ALG12: variants seen among roughly 807,000 people sequenced by gnomAD.
ALG12 encodes ALG12 alpha-1,6-mannosyltransferase, also known as dol-P-Man:Man(7)GlcNAc(2)-PP-Dol alpha-1,6-mannosyltransferase.
In ALG12, 36 loss-of-function variants were observed where a neutral mutation model predicts 46.0. The ratio of observed to expected loss-of-function variants is 0.78; its 90% CI spans 0.60 to 1.03. The LOEUF is 1.03. Ranked by LOEUF, ALG12 falls within the 50% of genes least tolerant of loss-of-function variation. ALG12 has a pLI of 0.00. For synonymous variants in ALG12, 326 were observed against 291.6 expected (o/e 1.12, Z -1.20); for missense variants, 599 against 633.5 (o/e 0.95, Z 0.58).
At chr22:49,890,334 AAAC>A in the ALG12 span, among the ~76,000 whole-genome samples, 18 of 152,182 alleles carry the variant, frequency 1.2e-4, no homozygotes, top group African/African-American at 4.3e-4. Context: ...GACAACAACA[AAAC>A]AACATTTTTA....
chr22:49,869,007 C>G, the ALG12 span, among the ~76,000 whole-genome samples: 17 of 150,938 alleles, frequency 1.1e-4, no homozygotes, highest in Admixed American at 7.3e-4. Flanking sequence ...GCCTGTAATC[C>G]GAGCTGCTTG....
Position 49,907,871 on chromosome 22 carries a change from AG to A in ALG12, c.841del (p.Leu281TrpfsTer4). On this transcript the variant is annotated frameshift_variant, in exon 7 of 10. Transcript: ENST00000330817. LOFTEE classifies it high-confidence loss of function. ...GTGCGTCCTTCTGTCTACCAAGCCC[AG>A]GGGGATGAAGAGCAGGCTGCAGCCC... is the stretch of plus-strand genomic sequence containing the variant. ...GLGCSLLFIP[L>X]GLVDRRTHAP... The A allele has an allele frequency of 6.2e-7, 1 of 1,613,906 alleles. No homozygotes were observed. Among genetic ancestry groups the A allele is most frequent in the Non-Finnish European group, 8.5e-7 (1 of 1,180,014 alleles).
At chr22:49,897,848 A>T (rs145546200), downstream of ALG12, among the ~76,000 whole-genome samples, 1 of 149,350 alleles carries the variant, frequency 6.7e-6, no homozygotes, top group Admixed American at 6.7e-5. Flanking sequence ...TTTAGTAGAG[A>T]TGTGGTTTCA....
At position 49,909,949 on chromosome 22, in the gene ALG12, C is replaced by G; in HGVS notation, c.609G>C (p.Lys203Asn). ...GGCGAAGGGCTCTGACTACAGAAAC[C>G]TTTCGGTTGCCCAAGGCCAGCAGCA... is the stretch of plus-strand genomic sequence containing the variant. ...LLLLLALGNR[K>N]VSVVRALRHA... The change falls in exon 5 of 10, where the codon AAG becomes AAC. Residue 203 changes from lysine to asparagine, a missense_variant. Coordinates refer to ENST00000330817, the MANE Select transcript of ALG12 (RefSeq NM_024105.4). The G allele has an allele frequency of 6.2e-7, 1 of 1,614,100 alleles. No individual in the cohort carries two copies. Among genetic ancestry groups the G allele is most frequent in the Non-Finnish European group, 8.5e-7 (1 of 1,179,996 alleles).
At chr22:49,885,141 C>A in the ALG12 span, 1 of 1,613,216 alleles carries the variant, frequency 6.2e-7, no homozygotes, top group Admixed American at 1.7e-5. Flanking sequence ...GTGATGTGGG[C>A]ACCAGCTGCC....
the ALG12 span, chr22:49,886,782 A>G: frequency 5.6e-6 from 9 of 1,612,654 alleles, no homozygotes; most frequent in African/African-American, 1.3e-5. The surrounding 1 kb of genome is among the most constrained non-coding windows in gnomAD (Gnocchi z 7.7). Context: ...ATTCTACCTC[A>G]GAGGACGTGG....
chr22:49,882,629 T>C, the ALG12 span, among the ~76,000 whole-genome samples: 1 of 152,206 alleles, frequency 6.6e-6, no homozygotes, highest in Non-Finnish European at 1.5e-5. Context: ...TGCCCTGCTC[T>C]CTCCTGTCTT....
At chr22:49,883,187 T>C in the ALG12 span, 1 of 152,628 alleles carries the variant, frequency 6.6e-6, no homozygotes, top group South Asian at 2.1e-4. Context: ...TGTAAACGGA[T>C]TGCAGGAAGT....
chr22:49,909,123 C>A (rs181416164), intron 6 of ALG12, 121 bp downstream of exon 6: 1 of 1,089,940 alleles, frequency 9.2e-7, no homozygotes, highest in Non-Finnish European at 1.4e-6. Flanking sequence ...GGGGCTCCAT[C>A]CTGACCCTGC....
intron 1 of ALG12, 110 bp from the exon 2 acceptor site, chr22:49,913,953 A>C: frequency 1.5e-6 from 1 of 684,706 alleles, no homozygotes; most frequent in East Asian, 2.7e-5. Flanking sequence ...TCTTAGTCGC[A>C]CTACTACAAA....
chr22:49,871,194 G>A, the ALG12 span, among the ~76,000 whole-genome samples: 2 of 152,112 alleles, frequency 1.3e-5, no homozygotes, highest in Admixed American at 6.5e-5. Context: ...ACAGGCGTGA[G>A]TCACTGTGCC....
At chr22:49,876,829 A>G in the ALG12 span, among the ~76,000 whole-genome samples, 1 of 152,206 alleles carries the variant, frequency 6.6e-6, no homozygotes, top group Non-Finnish European at 1.5e-5. Flanking sequence ...TTCCATTTAC[A>G]AAATATAGGA....
chr22:49,878,564 G>T, the ALG12 span, among the ~76,000 whole-genome samples: 1 of 152,136 alleles, frequency 6.6e-6, no homozygotes, highest in Non-Finnish European at 1.5e-5. Context: ...GCAAAAAAAT[G>T]AACTTCAATC....
rs76354698 is a variant in ALG12, at chr22:49,909,376, C to T, written c.665-29G>A. The T allele has an allele frequency of 7.8e-3, 12,540 of 1,605,402 alleles. 623 individuals are homozygous for T. The Admixed American group carries it at 0.12, about 16-fold the overall frequency. ...ACAAAATAAAATAGAGTTTCTTAGTCGCAAACACAGCCATCAGTAAACATC... is the reference window on the plus strand; with the variant it reads ...ACAAAATAAAATAGAGTTTCTTAGTTGCAAACACAGCCATCAGTAAACATC... On this transcript the variant is annotated intron_variant, in intron 5 of 9. Coordinates refer to ENST00000330817, the MANE Select transcript of ALG12 (RefSeq NM_024105.4).
chr22:49,885,547 G>A, the ALG12 span: 1 of 1,605,916 alleles, frequency 6.2e-7, no homozygotes, highest in Non-Finnish European at 8.5e-7. Context: ...GGACACCCGG[G>A]TGCCGCGGGG....
the ALG12 span, among the ~76,000 whole-genome samples, chr22:49,863,991 T>C: frequency 2.6e-5 from 4 of 152,212 alleles, no homozygotes; most frequent in Non-Finnish European, 5.9e-5. Context: ...CTGTCTGATA[T>C]GTTCTGTGCT....
chr22:49,886,992 C>G, the ALG12 span: 9 of 1,614,150 alleles, frequency 5.6e-6, no homozygotes, highest in Non-Finnish European at 6.8e-6. The surrounding 1 kb of genome is among the most constrained non-coding windows in gnomAD (Gnocchi z 7.7). Flanking sequence ...AGAAGGCGTC[C>G]TGGCCGGGGC....
rs369109925 is a variant in ALG12, at chr22:49,907,931, A to C, written c.782T>G (p.Leu261Arg). The C allele has an allele frequency of 1.2e-6, 2 of 1,612,634 alleles. No individual in the cohort carries two copies. The highest frequency in any genetic ancestry group is 2.7e-5 in the African/African-American group (2 of 74,924). ...KSSNWGTSPLLWYFYSALPRG... is the reference protein window; with the variant it reads ...KSSNWGTSPLRWYFYSALPRG... Reference sequence around the variant, plus strand: ...GGGCAGGGCTGAGTAGAAGTACCACAGCAGCGGGGAGGTCTGCGGGCTGGG... The same window carrying C: ...GGGCAGGGCTGAGTAGAAGTACCACCGCAGCGGGGAGGTCTGCGGGCTGGG... Residue 261 changes from leucine to arginine, a missense_variant, in exon 7 of 10, where the codon CTG becomes CGG. By Grantham distance (102) the Leu-to-Arg change is moderately radical. Coordinates refer to ENST00000330817, the MANE Select transcript of ALG12 (RefSeq NM_024105.4).
At chr22:49,907,069 G>C (rs1259648095) in intron 7 of ALG12, among the ~76,000 whole-genome samples, 2 of 152,050 alleles carry the variant, frequency 1.3e-5, no homozygotes, top group African/African-American at 4.8e-5. Flanking sequence ...CTTGAGCCTG[G>C]GCCACGCTGG....
Sources: gnomAD v4.1 joint callset for allele counts (sites outside exome capture counted in the v4.1 genomes callset) on GRCh38, gnomAD v4.1.1 for gene constraint, Gnocchi (gnomAD v3.1) non-coding constraint, MANE v1.5 for transcripts, NCBI Gene and HGNC (gene_info 2026-07-23, HGNC 2026-07-21) for gene names.